SUMF1: variants seen among roughly 807,000 people sequenced by gnomAD.
SUMF1 encodes the protein formylglycine-generating enzyme.
A neutral mutation model predicts 47.6 loss-of-function variants in SUMF1; 48 were observed. The observed-to-expected ratio is 1.01, with a 90% CI of 0.80 to 1.28. The LOEUF is 1.28. SUMF1 is among the 50% of genes most tolerant of loss of function. SUMF1 has a pLI of 0.00. For synonymous variants in SUMF1, 230 were observed against 192.1 expected, an observed-to-expected ratio of 1.20 and a Z score of -1.63; for missense variants, 571 against 485.4, an observed-to-expected ratio of 1.18 and a Z score of -1.66.
chr3:4,052,020 T>C (rs1695121840), intron 9 of SUMF1, among the ~76,000 whole-genome samples: 1 of 152,136 alleles, frequency 6.6e-6, no homozygotes. Flanking sequence ...CCTGTACTTG[T>C]TTCCTAAGGC....
chr3:4,117,496 G>C (rs1369274551), intron 8 of SUMF1, among the ~76,000 whole-genome samples: 1 of 152,060 alleles, frequency 6.6e-6, no homozygotes, highest in Non-Finnish European at 1.5e-5. Flanking sequence ...TGTTTTCTTA[G>C]TTCTCTTCCT....
intron 3 of SUMF1, among the ~76,000 whole-genome samples, chr3:4,444,288 T>G (rs956905941): frequency 3.9e-5 from 6 of 152,220 alleles, no homozygotes; most frequent in African/African-American, 1.4e-4. Flanking sequence ...GGGCATATTG[T>G]TCCCATGGCC....
At chr3:4,258,061 G>A (rs1158702721) in intron 8 of SUMF1, among the ~76,000 whole-genome samples, 1 of 151,562 alleles carries the variant, frequency 6.6e-6, no homozygotes, top group Non-Finnish European at 1.5e-5. Flanking sequence ...CTAGCCATAT[G>A]CAGAAAGCTG....
chr3:4,298,337 G>A (rs1697900646), intron 8 of SUMF1, among the ~76,000 whole-genome samples: 1 of 152,150 alleles, frequency 6.6e-6, no homozygotes, highest in South Asian at 2.1e-4. Flanking sequence ...CTGAAGATTG[G>A]TTATATCAGC....
chr3:4,219,036 T>C (rs1025628675), intron 8 of SUMF1, among the ~76,000 whole-genome samples: 19 of 152,088 alleles, frequency 1.2e-4, no homozygotes, highest in African/African-American at 4.6e-4. Context: ...GCTGTATGAC[T>C]TTTTTCTTTC....
At chr3:4,245,484 C>A (rs931484417) in intron 8 of SUMF1, among the ~76,000 whole-genome samples, 5 of 152,130 alleles carry the variant, frequency 3.3e-5, no homozygotes, top group African/African-American at 1.2e-4. Context: ...TTCCTTCTAA[C>A]AGACAGGCCC....
Position 4,361,962 on chromosome 3 carries a change from G to A in SUMF1, c.*182C>T, listed in dbSNP as rs1699773534. On this transcript the variant is annotated 3_prime_UTR_variant, in exon 9 of 9. Transcript: ENST00000272902. ...CTCCAAAGATGCACCACACCATAAA[G>A]CACATGCACTGACCCAGGTCAGCAA... 1.6e-6 allele frequency: 1 copy of A among 617,758 alleles called. No individual in the cohort carries two copies. The highest frequency in any genetic ancestry group is 1.9e-5 in the South Asian group (1 of 54,024). 38.3% of individuals were successfully genotyped at this position (617,758 alleles called of 1,614,324 possible).
chr3:4,451,593 A>G (rs1461629964), intron 2 of SUMF1, among the ~76,000 whole-genome samples: 1 of 152,228 alleles, frequency 6.6e-6, no homozygotes, highest in East Asian at 1.9e-4. Flanking sequence ...AAGTCTTCTA[A>G]CTTAAGTAAA....
intron 8 of SUMF1, among the ~76,000 whole-genome samples, chr3:4,298,079 CT>C (rs1697889894): frequency 6.6e-6 from 1 of 152,050 alleles, no homozygotes; most frequent in African/African-American, 2.4e-5. Flanking sequence ...AGTTTCTCTT[CT>C]GCCAGTGAAA....
At chr3:4,114,752 T>G (rs951904391) in intron 8 of SUMF1, among the ~76,000 whole-genome samples, 1 of 152,152 alleles carries the variant, frequency 6.6e-6, no homozygotes, top group Non-Finnish European at 1.5e-5. Context: ...TAAGAAATCA[T>G]TAAACATAAT....
chr3:4,172,016 A>G (rs188504558), intron 8 of SUMF1, among the ~76,000 whole-genome samples: 13 of 152,290 alleles, frequency 8.5e-5, no homozygotes, highest in Non-Finnish European at 1.9e-4. Flanking sequence ...ATTGAAGGCA[A>G]TATGACGGGT....
intron 8 of SUMF1, among the ~76,000 whole-genome samples, chr3:4,236,637 G>C (rs905112800): frequency 2.6e-5 from 4 of 151,930 alleles, no homozygotes; most frequent in Admixed American, 2.0e-4. Context: ...AGCAGTTTTA[G>C]GTTCACAGCA....
chr3:4,078,138 C>A (rs374203650), intron 8 of SUMF1, among the ~76,000 whole-genome samples: 26 of 152,040 alleles, frequency 1.7e-4, no homozygotes, highest in African/African-American at 6.0e-4. Context: ...CCCCACTGAG[C>A]CGAAATATGA....
chr3:4,063,642 TCTTCCTGGTTTG>T (rs1695316440), intron 9 of SUMF1, among the ~76,000 whole-genome samples: 1 of 152,064 alleles, frequency 6.6e-6, no homozygotes, highest in Non-Finnish European at 1.5e-5. Context: ...AGAGACCTTC[TCTTCCTGGTTTG>T]CAAACTGATA....
Position 4,290,282 on chromosome 3 carries a change from A to T in SUMF1, c.1014+86048T>A, listed in dbSNP as rs145626264. On this transcript the variant is annotated intron_variant and NMD_transcript_variant, in intron 8 of 12. Coordinates refer to the SUMF1 transcript ENST00000448413. Reference sequence around the variant, plus strand: ...ACATAAATTTCTCTTAGATTGTGTAAATGTGAGTCTAAACAAATCACAGCA... The same window carrying T: ...ACATAAATTTCTCTTAGATTGTGTATATGTGAGTCTAAACAAATCACAGCA... Among the ~76,000 whole-genome samples, 1,446 of 148,160 alleles carry T rather than the reference A, an allele frequency of 9.8e-3. 28 individuals carry two copies. Among genetic ancestry groups the T allele is most frequent in the African/African-American group, 0.037 (1,385 of 37,616 alleles).
intron 8 of SUMF1, among the ~76,000 whole-genome samples, chr3:4,235,222 G>A (rs1696382290): frequency 6.6e-6 from 1 of 152,092 alleles, no homozygotes; most frequent in Non-Finnish European, 1.5e-5. Flanking sequence ...GGATAAAGGG[G>A]GATAAGGGAG....
chr3:4,437,255 C>T (rs992980618), intron 3 of SUMF1, among the ~76,000 whole-genome samples: 27 of 151,996 alleles, frequency 1.8e-4, no homozygotes, highest in Admixed American at 5.2e-4. Flanking sequence ...ACCAGTAATA[C>T]GTAAGTTGGA....
In SUMF1 at chr3:4,176,062, T is replaced by C. The variant is rs113298152; in HGVS notation, c.1015-107317A>G. On this transcript the variant is annotated intron_variant and NMD_transcript_variant, in intron 8 of 12. Coordinates refer to the SUMF1 transcript ENST00000448413. ...GTGAAAAGACCAAATCTACATTTGA[T>C]TGTTGTACCTGAAAGTGATGGGGAG... Among the ~76,000 whole-genome samples, 1,487 of 152,310 alleles carry C rather than the reference T, an allele frequency of 9.8e-3. 27 individuals carry two copies. Among genetic ancestry groups the C allele is most frequent in the African/African-American group, 0.034 (1,430 of 41,570 alleles).
intron 8 of SUMF1, chr3:4,316,770 C>T (rs753838651): frequency 6.4e-7 from 1 of 1,550,744 alleles, no homozygotes; most frequent in South Asian, 1.2e-5. Context: ...GCCAATCTTG[C>T]ACCCAAAAAA....
Sources: gnomAD v4.1 joint callset for allele counts (sites outside exome capture counted in the v4.1 genomes callset) on GRCh38, gnomAD v4.1.1 for gene constraint, MANE v1.5 for transcripts, NCBI Gene and HGNC (gene_info 2026-07-23, HGNC 2026-07-21) for gene names.